RAB3IP: variants seen among roughly 807,000 people sequenced by gnomAD.
RAB3IP encodes the protein RAB3A interacting protein.
In RAB3IP, 36 loss-of-function variants were observed where a neutral mutation model predicts 59.1. The observed-to-expected ratio is 0.61, with a 90% CI of 0.47 to 0.80. The LOEUF (loss-of-function observed/expected upper bound fraction) is 0.80. Among genes scored for constraint, RAB3IP ranks in the 30% least tolerant of loss-of-function variants. RAB3IP has a pLI of 0.00. For synonymous variants in RAB3IP, 207 were observed against 191.2 expected, an observed-to-expected ratio of 1.08 and a Z score of -0.68; for missense variants, 511 against 536.0, an observed-to-expected ratio of 0.95 and a Z score of 0.46.
intron 7 of RAB3IP, 60 bp from the exon 8 acceptor site, chr12:69,801,549 A>G (rs925611445): frequency 7.8e-6 from 8 of 1,029,628 alleles, no homozygotes; most frequent in Non-Finnish European, 1.1e-5. Flanking sequence ...TTTACTGTAG[A>G]ATACAATTTT....
At chr12:69,800,033 T>TC (rs5798952) in intron 6 of RAB3IP, among the ~76,000 whole-genome samples, 176 bp from the exon 7 acceptor site, 133,550 of 152,132 alleles carry the variant, frequency 0.88, 58,895 homozygotes, top group Admixed American at 0.93. Context: ...TATTTGAGAG[T>TC]ATTTTTTAAA....
intron 4 of RAB3IP, among the ~76,000 whole-genome samples, chr12:69,787,999 C>T (rs917073452): frequency 6.6e-6 from 1 of 152,056 alleles, no homozygotes. Flanking sequence ...AAAATATTCT[C>T]ATTAAAACAG....
chr12:69,799,349 G>T (rs1878016128), intron 6 of RAB3IP, among the ~76,000 whole-genome samples: 2 of 152,192 alleles, frequency 1.3e-5, no homozygotes, highest in South Asian at 4.1e-4. Flanking sequence ...TCTAGTTTGG[G>T]TGGCTGATGT....
rs1286473837 is a variant in RAB3IP at position 69,767,037 on chromosome 12, A to G, written c.510+10374A>G. On this transcript the variant is annotated intron_variant, in intron 3 of 10. Coordinates refer to ENST00000247833, the MANE Select transcript of RAB3IP (RefSeq NM_022456.5). ...GCTAGTGCTATCCCTTGGTGGTGTTACTACATTTAGATTTTTCATCATGCC... is the reference window on the plus strand; with the variant it reads ...GCTAGTGCTATCCCTTGGTGGTGTTGCTACATTTAGATTTTTCATCATGCC... Among the ~76,000 whole-genome samples, 3 of 152,208 alleles carry G rather than the reference A, an allele frequency of 2.0e-5. No homozygotes were observed. The East Asian group carries it at 5.8e-4, about 29-fold the overall frequency.
At chr12:69,745,441 T>C (rs1455560790) in intron 1 of RAB3IP, among the ~76,000 whole-genome samples, 8 of 150,938 alleles carry the variant, frequency 5.3e-5, no homozygotes, top group Non-Finnish European at 8.9e-5. Context: ...TTTTTTTTTT[T>C]CCAAGTCCTG....
intron 4 of RAB3IP, among the ~76,000 whole-genome samples, chr12:69,787,794 A>T (rs1190945671): frequency 1.0e-5 from 1 of 95,850 alleles, no homozygotes; most frequent in South Asian, 3.2e-4. Context: ...CTCCATTATG[A>T]TGAAGATAAC....
chr12:69,787,858 A>G (rs1395326744), intron 4 of RAB3IP, among the ~76,000 whole-genome samples: 1 of 152,166 alleles, frequency 6.6e-6, no homozygotes, highest in African/African-American at 2.4e-5. Flanking sequence ...AGTGTTCTAT[A>G]TGAACATATA....
chr12:69,747,847 G>T (rs549882934), intron 1 of RAB3IP, among the ~76,000 whole-genome samples: 3 of 152,142 alleles, frequency 2.0e-5, no homozygotes, highest in South Asian at 4.1e-4. Context: ...TAAGTTACCT[G>T]CCCAGGTTCA....
At chr12:69,790,676 C>T (rs12316292) in intron 4 of RAB3IP, among the ~76,000 whole-genome samples, 22,953 of 151,898 alleles carry the variant, frequency 0.15, 2,589 homozygotes, top group East Asian at 0.4. Flanking sequence ...CCTCCGCCTC[C>T]TGGGTTCTAG....
intron 3 of RAB3IP, among the ~76,000 whole-genome samples, chr12:69,770,465 G>T (rs1162805245): frequency 6.6e-6 from 1 of 152,070 alleles, no homozygotes; most frequent in East Asian, 1.9e-4. Context: ...ATACAAATTT[G>T]TATTTTTATT....
Position 69,770,288 on chromosome 12 carries a change from G to GC in RAB3IP, c.510+13632dup, listed in dbSNP as rs372615436. On this transcript the variant is annotated intron_variant, in intron 3 of 10. Coordinates refer to ENST00000247833, the MANE Select transcript of RAB3IP (RefSeq NM_022456.5). ...GGTTTTGTTCCAGTCCTCCAAATCC[G>GC]CCCCCCCACCCTGCCGGGGATTCCA... Among the ~76,000 whole-genome samples, 121 of 151,732 alleles carry GC rather than the reference G, an allele frequency of 8.0e-4. 1 individual carries two copies. Among genetic ancestry groups the GC allele is most frequent in the South Asian group, 6.9e-3 (33 of 4,790 alleles).
chr12:69,757,168 TA>T (rs2136131063), intron 3 of RAB3IP, among the ~76,000 whole-genome samples: 1 of 152,360 alleles, frequency 6.6e-6, no homozygotes, highest in African/African-American at 2.4e-5. Context: ...CTTGTGGCCA[TA>T]TCTTATTCTT....
intron 1 of RAB3IP, chr12:69,739,712 C>A: frequency 2.3e-6 from 2 of 858,654 alleles, no homozygotes; most frequent in South Asian, 1.5e-5. Flanking sequence ...AGACGAACTG[C>A]ACGGGTGGGA....
Position 69,821,990 on chromosome 12 carries a change from A to G in RAB3IP, c.*6544A>G, listed in dbSNP as rs1881799837. The G allele has an allele frequency of 6.6e-6, 1 of 152,162 alleles. No individual in the cohort carries two copies. The highest frequency in any genetic ancestry group is 2.4e-5 in the African/African-American group (1 of 41,446). The allele number at this position is 152,162 out of a possible 1,614,324, so 9.4% of individuals were successfully genotyped here. On this transcript the variant is annotated 3_prime_UTR_variant, in exon 11 of 11. Coordinates refer to ENST00000247833, the MANE Select transcript of RAB3IP (RefSeq NM_022456.5). ...TCATTTCTATGATGCTTCCTGTCACATCACTGTGCTGCTGAGAACATGAAG... is the reference window on the plus strand; with the variant it reads ...TCATTTCTATGATGCTTCCTGTCACGTCACTGTGCTGCTGAGAACATGAAG...
chr12:69,752,992 C>T (rs1043040848), intron 1 of RAB3IP, among the ~76,000 whole-genome samples: 2 of 152,102 alleles, frequency 1.3e-5, no homozygotes, highest in African/African-American at 4.8e-5. Flanking sequence ...CCTTATTAAT[C>T]TCATCTTTCA....
intron 1 of RAB3IP, among the ~76,000 whole-genome samples, chr12:69,743,434 C>G (rs1044562355): frequency 6.6e-6 from 1 of 152,200 alleles, no homozygotes; most frequent in Admixed American, 6.5e-5. Flanking sequence ...ATTTGTAAGA[C>G]AAACCCCTCA....
intron 8 of RAB3IP, among the ~76,000 whole-genome samples, chr12:69,811,489 C>T (rs1461221706): frequency 6.6e-6 from 1 of 152,172 alleles, no homozygotes; most frequent in African/African-American, 2.4e-5. Flanking sequence ...AGTAGACCAG[C>T]AGGCATATGT....
At chr12:69,772,262 A>T (rs1210833070) in intron 3 of RAB3IP, among the ~76,000 whole-genome samples, 1 of 152,020 alleles carries the variant, frequency 6.6e-6, no homozygotes, top group African/African-American at 2.4e-5. Flanking sequence ...TTCAATTTGC[A>T]TTGAATGTTT....
At chr12:69,799,608 T>A (rs1326253746) in intron 6 of RAB3IP, among the ~76,000 whole-genome samples, 1 of 152,162 alleles carries the variant, frequency 6.6e-6, no homozygotes. Flanking sequence ...TAGAAGGCTT[T>A]ACGTATTCTT....
Sources: allele counts gnomAD v4.1 joint callset (sites outside exome capture counted in the v4.1 genomes callset), GRCh38; gene constraint gnomAD v4.1.1; transcripts MANE v1.5; gene names NCBI Gene and HGNC (gene_info 2026-07-23, HGNC 2026-07-21).